Variants in LRRIQ1 observed in about 807,000 individuals in gnomAD.
LRRIQ1 encodes leucine-rich repeat- and IQ domain-containing protein 1.
In LRRIQ1, 210 loss-of-function variants were observed where a neutral mutation model predicts 211.9. The observed-to-expected ratio is 0.99, with a 90% CI of 0.89 to 1.11. The LOEUF (loss-of-function observed/expected upper bound fraction) is 1.11, where lower values mean the gene tolerates loss of function less well. Among genes scored for constraint, LRRIQ1 ranks in the 50% most tolerant of loss-of-function variants. LRRIQ1 has a pLI of 0.00. For missense variants in LRRIQ1, 2,136 were observed against 1,939.5 expected (o/e 1.10, Z -1.90); for synonymous variants, 699 against 650.1 (o/e 1.08, Z -1.14).
intron 3 of LRRIQ1, among the ~76,000 whole-genome samples, chr12:85,042,656 C>T (rs993800486): frequency 1.1e-4 from 17 of 149,750 alleles, no homozygotes; most frequent in Non-Finnish European, 1.9e-4. Flanking sequence ...ATTTGTTACA[C>T]GGGATGATAG....
chr12:85,082,437 T>C (rs139183393), intron 11 of LRRIQ1, among the ~76,000 whole-genome samples: 63 of 152,212 alleles, frequency 4.1e-4, no homozygotes, highest in African/African-American at 1.3e-3. Context: ...GTGGATTGCT[T>C]TTTTATTGTA....
chr12:85,099,483 C>A (rs1886175095), intron 13 of LRRIQ1, among the ~76,000 whole-genome samples: 1 of 151,776 alleles, frequency 6.6e-6, no homozygotes, highest in African/African-American at 2.4e-5. Flanking sequence ...TAAAAAAATA[C>A]CTTAACATTC....
At chr12:85,257,025 CATATA>C (rs1390830339) in intron 1 of LRRIQ1, among the ~76,000 whole-genome samples, 9 of 95,326 alleles carry the variant, frequency 9.4e-5, no homozygotes, top group African/African-American at 2.8e-4. Context: ...AATATATATA[CATATA>C]ATATATATTA....
At position 85,244,993 on chromosome 12, in the gene LRRIQ1, A is replaced by G; in HGVS notation, c.*52A>G. On this transcript the variant is annotated 3_prime_UTR_variant, in exon 27 of 27. Transcript: ENST00000393217. ...AATGCCAACAAGCATTCTTTTTCAG[A>G]TAGGGGGTAGGATGCCAGCAACCTG... 6.3e-7 allele frequency: 1 copy of G among 1,590,348 alleles called. No homozygotes were observed. The highest frequency in any genetic ancestry group is 8.6e-7 in the Non-Finnish European group (1 of 1,166,386).
intron 24 of LRRIQ1, among the ~76,000 whole-genome samples, chr12:85,217,506 ATATGTGTGTG>A (rs1161649138): frequency 0.061 from 4,194 of 68,424 alleles, 143 homozygotes; most frequent in Non-Finnish European, 0.071. Flanking sequence ...ATATATATAT[ATATGTGTGTG>A]TGTGTGTGTG....
At chr12:85,085,698 T>G (rs1274454346) in intron 11 of LRRIQ1, among the ~76,000 whole-genome samples, 1 of 152,228 alleles carries the variant, frequency 6.6e-6, no homozygotes, top group East Asian at 1.9e-4. Flanking sequence ...TATTTGGTTT[T>G]CTGTTTCTTT....
In LRRIQ1 at chr12:85,056,597, A is replaced by T; in HGVS notation, c.1804A>T (p.Lys602Ter). The change falls in exon 8 of 27, where the codon AAG becomes TAG. Residue 602 changes from lysine to a stop codon, truncating the protein, a stop_gained. Transcript: ENST00000393217. LOFTEE classifies it high-confidence loss of function. ...QEQNGLLYKD[K>*]DTLVISVKQR... is the part of the protein sequence containing the mutation. Reference sequence around the variant, plus strand: ...ACAGAATGGATTATTATATAAAGATAAGGATACTTTAGTTATTTCAGTGAA... The same window carrying T: ...ACAGAATGGATTATTATATAAAGATTAGGATACTTTAGTTATTTCAGTGAA... 1 of 1,595,638 alleles carries T rather than the reference A, an allele frequency of 6.3e-7. No individual in the cohort carries two copies. Among genetic ancestry groups the T allele is most frequent in the Non-Finnish European group, 8.5e-7 (1 of 1,171,956 alleles).
chr12:85,050,232 T>C (rs1394438346), intron 6 of LRRIQ1, among the ~76,000 whole-genome samples: 1 of 151,040 alleles, frequency 6.6e-6, no homozygotes, highest in African/African-American at 2.5e-5. Context: ...GGGTAGGAAC[T>C]AACATCATGG....
intron 25 of LRRIQ1, 103 bp downstream of exon 25, chr12:85,229,752 G>C: frequency 8.7e-7 from 1 of 1,144,444 alleles, no homozygotes; most frequent in Middle Eastern, 2.6e-4. Flanking sequence ...TATTGCCAAA[G>C]GCCAATACGC....
chr12:85,122,926 T>C (rs556419748), intron 16 of LRRIQ1, among the ~76,000 whole-genome samples: 255 of 152,186 alleles, frequency 1.7e-3, no homozygotes, highest in Non-Finnish European at 3.2e-3. Flanking sequence ...AGATTTTAAA[T>C]GTAGTCCTTT....
At chr12:85,069,202 G>A (rs559668856) in intron 10 of LRRIQ1, among the ~76,000 whole-genome samples, 42 of 149,662 alleles carry the variant, frequency 2.8e-4, no homozygotes, top group African/African-American at 7.1e-4. Flanking sequence ...TTGGTTTTTC[G>A]TCCTTGTGAT....
At chr12:85,072,280 G>T (rs1423236037) in intron 10 of LRRIQ1, among the ~76,000 whole-genome samples, 1 of 151,816 alleles carries the variant, frequency 6.6e-6, no homozygotes, top group Non-Finnish European at 1.5e-5. Context: ...TATAGCCAGA[G>T]AATAATTTTT....
intron 14 of LRRIQ1, 62 bp from the exon 15 acceptor site, chr12:85,106,460 G>C: frequency 1.7e-6 from 2 of 1,198,692 alleles, no homozygotes; most frequent in Non-Finnish European, 2.4e-6. Context: ...AGTGGTCATA[G>C]ATTTATGATA....
At chr12:85,106,958 C>T (rs118172817) in intron 15 of LRRIQ1, among the ~76,000 whole-genome samples, 2,790 of 151,986 alleles carry the variant, frequency 0.018, 37 homozygotes, top group Non-Finnish European at 0.03. Flanking sequence ...TACATAGCTT[C>T]CTACTTAAAT....
At chr12:85,224,948 A>C (rs996606098) in intron 24 of LRRIQ1, among the ~76,000 whole-genome samples, 8 of 152,126 alleles carry the variant, frequency 5.3e-5, no homozygotes, top group African/African-American at 1.9e-4. Context: ...TAAAACCATG[A>C]AAATTGTGTC....
At chr12:85,245,524 G>GTT (rs1295697523), downstream of LRRIQ1, among the ~76,000 whole-genome samples, 1 of 148,680 alleles carries the variant, frequency 6.7e-6, no homozygotes, top group African/African-American at 2.4e-5. Flanking sequence ...TAACATATTT[G>GTT]TTATATATAT....
chr12:85,063,439 A>G (rs1037973617), intron 8 of LRRIQ1, among the ~76,000 whole-genome samples: 7 of 151,646 alleles, frequency 4.6e-5, no homozygotes, highest in Non-Finnish European at 1.0e-4. Flanking sequence ...TATTTATGGG[A>G]CACATGATAT....
At chr12:85,259,434 A>C (rs940975821) in intron 1 of LRRIQ1, among the ~76,000 whole-genome samples, 1 of 152,070 alleles carries the variant, frequency 6.6e-6, no homozygotes, top group Non-Finnish European at 1.5e-5. Context: ...CTTTGCAATG[A>C]ATGCCAATAT....
rs369697690 is a variant in LRRIQ1, at chr12:85,065,432, C to T, written c.2544+18C>T. On this transcript the variant is annotated intron_variant, in intron 9 of 26. Coordinates refer to ENST00000393217, the MANE Select transcript of LRRIQ1 (RefSeq NM_001079910.2). Reference sequence around the variant, plus strand: ...ATGCACAGGTATGCTCTCTGCCCTACTGTTATTTATTTTATAATAAAATAT... The same window carrying T: ...ATGCACAGGTATGCTCTCTGCCCTATTGTTATTTATTTTATAATAAAATAT... The T allele has an allele frequency of 7.2e-6, 11 of 1,536,788 alleles. No homozygotes were observed. The highest frequency in any genetic ancestry group is 5.0e-5 in the South Asian group (4 of 79,522).
Sources: gnomAD v4.1 joint callset for allele counts (sites outside exome capture counted in the v4.1 genomes callset) on GRCh38, gnomAD v4.1.1 for gene constraint, MANE v1.5 for transcripts, NCBI Gene and HGNC (gene_info 2026-07-23, HGNC 2026-07-21) for gene names.